The following GRAMD1B variants were observed in gnomAD, a reference collection of about 807,000 sequenced individuals.
GRAMD1B encodes GRAM domain containing 1B.
Under a neutral mutation model 99.7 loss-of-function variants are expected in GRAMD1B, and 37 were observed. That is an observed-to-expected ratio of 0.37 (90% CI 0.29 to 0.49). The LOEUF (loss-of-function observed/expected upper bound fraction) is 0.49. Ranked by LOEUF, GRAMD1B falls within the 20% of genes least tolerant of loss-of-function variation. The probability of loss-of-function intolerance (pLI) is 0.98; values close to 1 mark genes in which losing one functional copy is unlikely to be tolerated. For synonymous variants in GRAMD1B, 427 were observed against 387.6 expected, an observed-to-expected ratio of 1.10 and a Z score of -1.19; for missense variants, 888 against 1,009.2, an observed-to-expected ratio of 0.88 and a Z score of 1.63.
At chr11:123,505,670 A>G (rs151057698) in intron 2 of GRAMD1B, among the ~76,000 whole-genome samples, 64 of 152,316 alleles carry the variant, frequency 4.2e-4, no homozygotes, top group African/African-American at 1.5e-3. Flanking sequence ...AGATTCACAG[A>G]TGGTGGCTGA....
intron 1 of GRAMD1B, among the ~76,000 whole-genome samples, chr11:123,399,961 CATT>C (rs969292089): frequency 1.4e-4 from 21 of 152,122 alleles, no homozygotes; most frequent in East Asian, 5.8e-4. Context: ...GGTAATATCT[CATT>C]GTTGTTTTGA....
chr11:123,399,731 T>G (rs1947593169), intron 1 of GRAMD1B, among the ~76,000 whole-genome samples: 1 of 152,174 alleles, frequency 6.6e-6, no homozygotes, highest in African/African-American at 2.4e-5. Context: ...TGCCTCAGCC[T>G]CTTGAGTAGC....
At chr11:123,403,357 A>T (rs1347066775) in intron 1 of GRAMD1B, among the ~76,000 whole-genome samples, 3 of 150,928 alleles carry the variant, frequency 2.0e-5, no homozygotes, top group Admixed American at 2.0e-4. Flanking sequence ...AACACAGGAG[A>T]TGGAGGTTGC....
At chr11:123,395,133 C>A (rs182108311) in intron 1 of GRAMD1B, among the ~76,000 whole-genome samples, 180 of 152,176 alleles carry the variant, frequency 1.2e-3, no homozygotes, top group African/African-American at 4.3e-3. Flanking sequence ...ACTCATTTAG[C>A]CAGGATCTCA....
At chr11:123,519,470 C>T (rs1406470828) in intron 2 of GRAMD1B, among the ~76,000 whole-genome samples, 1 of 152,190 alleles carries the variant, frequency 6.6e-6, no homozygotes, top group Non-Finnish European at 1.5e-5. Context: ...GAGGCTGTTC[C>T]TCCCCCGCTG....
At chr11:123,365,532 A>T (rs1946291467) in intron 1 of GRAMD1B, among the ~76,000 whole-genome samples, 2 of 152,172 alleles carry the variant, frequency 1.3e-5, no homozygotes, top group Non-Finnish European at 2.9e-5. Context: ...GATTACAGGC[A>T]TGGATCACCA....
At position 123,400,754 on chromosome 11, in the gene GRAMD1B, A is replaced by C. The variant is rs569520547; in HGVS notation, c.-176+41955A>C. Among the ~76,000 whole-genome samples the C allele has an allele frequency of 1.3e-4, 20 of 152,254 alleles. No individual in the cohort carries two copies. In the South Asian group the frequency reaches 4.1e-3, roughly 32 times the overall value. ...TCGTACTGGGGGTTAGGATTTCAAC[A>C]TATGAATTACAGGGAAACATAATAT... On this transcript the variant is annotated intron_variant, in intron 1 of 20. Transcript: ENST00000638157.
chr11:123,550,768 T>C (rs1402782679), intron 2 of GRAMD1B, among the ~76,000 whole-genome samples: 2 of 152,172 alleles, frequency 1.3e-5, no homozygotes, highest in Admixed American at 6.5e-5. Flanking sequence ...GGGCTTAGTG[T>C]CTCCTAATAT....
intron 1 of GRAMD1B, among the ~76,000 whole-genome samples, chr11:123,393,527 A>G (rs1452366231): frequency 6.6e-6 from 1 of 152,206 alleles, no homozygotes; most frequent in African/African-American, 2.4e-5. Flanking sequence ...TGGCACACTC[A>G]CAGAGATGGC....
intron 2 of GRAMD1B, among the ~76,000 whole-genome samples, chr11:123,572,842 C>G (rs1948271635): frequency 1.4e-5 from 2 of 147,062 alleles, no homozygotes; most frequent in African/African-American, 5.1e-5. Flanking sequence ...CGCAGGTAGG[C>G]CCCGATGGCT....
intron 2 of GRAMD1B, among the ~76,000 whole-genome samples, chr11:123,488,007 A>C (rs1191939716): frequency 1.3e-5 from 2 of 152,196 alleles, no homozygotes; most frequent in East Asian, 1.9e-4. Flanking sequence ...ACAGAAAATT[A>C]TTTCTTTCCA....
At position 123,430,639 on chromosome 11, in the gene GRAMD1B, T is replaced by G; in HGVS notation, c.-154T>G. On this transcript the variant is annotated 5_prime_UTR_variant, in exon 1 of 20. Transcript: ENST00000635736. ...GCGCGCTACGCCGCGTCCCCTCGCG[T>G]CCCTTCCTCGCTGCGCTCCGGGAAA... The G allele has an allele frequency of 4.0e-6, 2 of 503,618 alleles. No individual in the cohort carries two copies. Among genetic ancestry groups the G allele is most frequent in the Non-Finnish European group, 6.9e-6 (2 of 287,858 alleles). The allele number at this position is 503,618 out of a possible 1,614,324, so 31.2% of individuals were successfully genotyped here.
intron 1 of GRAMD1B, among the ~76,000 whole-genome samples, chr11:123,365,708 G>A (rs1946298643): frequency 6.6e-6 from 1 of 152,200 alleles, no homozygotes; most frequent in Admixed American, 6.5e-5. Context: ...TTGAATTAAA[G>A]GAATTCAGAA....
intron 1 of GRAMD1B, among the ~76,000 whole-genome samples, chr11:123,389,339 G>A (rs886202959): frequency 1.7e-4 from 26 of 150,586 alleles, no homozygotes; most frequent in African/African-American, 5.9e-4. Context: ...AGCCGTGATC[G>A]AGCCACTGCA....
chr11:123,549,732 C>G (rs902790037), intron 2 of GRAMD1B, among the ~76,000 whole-genome samples: 13 of 152,158 alleles, frequency 8.5e-5, no homozygotes, highest in African/African-American at 3.1e-4. Context: ...CAGATGCTGT[C>G]TTAAAGAGTG....
At chr11:123,370,412 C>G (rs756770242) in intron 1 of GRAMD1B, among the ~76,000 whole-genome samples, 1 of 139,980 alleles carries the variant, frequency 7.1e-6, no homozygotes, top group Non-Finnish European at 1.5e-5. Flanking sequence ...GCGATCTTGA[C>G]TCACAGTAGT....
intron 16 of GRAMD1B, among the ~76,000 whole-genome samples, chr11:123,613,936 G>C (rs914620961): frequency 6.6e-6 from 1 of 151,986 alleles, no homozygotes; most frequent in Non-Finnish European, 1.5e-5. Context: ...ACCTGCATAG[G>C]CTCAAGTATG....
chr11:123,611,361 G>GT (rs533154305), intron 14 of GRAMD1B, among the ~76,000 whole-genome samples: 9 of 152,252 alleles, frequency 5.9e-5, no homozygotes, highest in Admixed American at 1.3e-4. Context: ...TTAAGCCCAG[G>GT]AGTTCAAGGC....
At chr11:123,563,564 TGCAGTGGCATGATGTCG>T (rs1947033864) in intron 2 of GRAMD1B, among the ~76,000 whole-genome samples, 1 of 151,370 alleles carries the variant, frequency 6.6e-6, no homozygotes. Context: ...CATGCTGGAG[TGCAGTGGCATGATGTCG>T]GCTCACTGCA....
Sources: gnomAD v4.1 joint callset for allele counts (sites outside exome capture counted in the v4.1 genomes callset) on GRCh38, gnomAD v4.1.1 for gene constraint, MANE v1.5 for transcripts, NCBI Gene and HGNC (gene_info 2026-07-23, HGNC 2026-07-21) for gene names.